The following PHLPP2 variants were observed in gnomAD, a reference collection of about 807,000 sequenced individuals.
PHLPP2 encodes PH domain and leucine rich repeat protein phosphatase 2, also known as PH domain leucine-rich repeat-containing protein phosphatase 2.
In PHLPP2, 66 loss-of-function variants were observed where a neutral mutation model predicts 124.9. The ratio of observed to expected loss-of-function variants is 0.53; its 90% CI spans 0.43 to 0.65. PHLPP2 has a LOEUF of 0.65. PHLPP2 is among the 30% of genes least tolerant of loss of function. The pLI is 0.00. For missense variants in PHLPP2, 1,685 were observed against 1,600.4 expected (o/e 1.05, Z -0.90); for synonymous variants, 681 against 624.7 (o/e 1.09, Z -1.34).
intron 3 of PHLPP2, among the ~76,000 whole-genome samples, chr16:71,697,250 T>C (rs986229621): frequency 3.9e-5 from 6 of 151,900 alleles, no homozygotes; most frequent in Non-Finnish European, 8.8e-5. Context: ...TTTCCACACT[T>C]GACTTCAATT....
chr16:71,695,989 A>G (rs1010632469), intron 3 of PHLPP2, among the ~76,000 whole-genome samples: 5 of 152,200 alleles, frequency 3.3e-5, no homozygotes, highest in African/African-American at 9.7e-5. Context: ...CACCACAGAT[A>G]ATGACACCAT....
chr16:71,662,903 T>C (rs938527557), intron 13 of PHLPP2, among the ~76,000 whole-genome samples: 1 of 152,126 alleles, frequency 6.6e-6, no homozygotes, highest in Admixed American at 6.6e-5. Context: ...CAAATGTACT[T>C]TGAAAGGTAT....
In PHLPP2 at chr16:71,652,899, G is replaced by T. The variant is rs751708501; in HGVS notation, c.2708C>A (p.Ala903Glu). Reference sequence around the variant, plus strand: ...TGGCTTCCCACCTCGGCACAGGACTGCTTGGCACGTGCCAACATTGGCTAC... The same window carrying T: ...TGGCTTCCCACCTCGGCACAGGACTTCTTGGCACGTGCCAACATTGGCTAC... ...LTVANVGTCQAVLCRGGKPVP... is the reference protein window; with the variant it reads ...LTVANVGTCQEVLCRGGKPVP... The change falls in exon 18 of 19, where the codon GCA becomes GAA. Residue 903 changes from alanine to glutamate, a missense_variant. Coordinates refer to ENST00000568954, the MANE Select transcript of PHLPP2 (RefSeq NM_015020.3). 1.2e-6 allele frequency: 2 copies of T among 1,614,016 alleles called. No individual in the cohort carries two copies. The highest frequency in any genetic ancestry group is 1.1e-5 in the South Asian group (1 of 91,076).
At chr16:71,698,248 T>A (rs1426347231) in intron 3 of PHLPP2, among the ~76,000 whole-genome samples, 5 of 152,160 alleles carry the variant, frequency 3.3e-5, no homozygotes, top group African/African-American at 4.8e-5. Context: ...CTACTGGGGA[T>A]GTAACTGACC....
intron 12 of PHLPP2, among the ~76,000 whole-genome samples, chr16:71,665,463 A>T (rs1245703152): frequency 1.3e-5 from 2 of 152,266 alleles, no homozygotes; most frequent in African/African-American, 2.4e-5. Flanking sequence ...AGTGTTTAGT[A>T]TATACAGAAC....
chr16:71,675,028 G>A (rs1365477300), intron 9 of PHLPP2, among the ~76,000 whole-genome samples: 1 of 152,168 alleles, frequency 6.6e-6, no homozygotes, highest in Non-Finnish European at 1.5e-5. Flanking sequence ...CACAAAAAGT[G>A]ATAAACAATC....
At chr16:71,662,026 G>A (rs1596992037) in intron 13 of PHLPP2, among the ~76,000 whole-genome samples, 1 of 151,838 alleles carries the variant, frequency 6.6e-6, no homozygotes, top group South Asian at 2.1e-4. Context: ...GTTTCACCAT[G>A]TTGGCCAGAA....
In PHLPP2 at chr16:71,648,880, A is replaced by T; in HGVS notation, c.*10T>A. 4.4e-6 allele frequency: 7 copies of T among 1,599,504 alleles called. No homozygotes were observed. The highest frequency in any genetic ancestry group is 6.0e-6 in the Non-Finnish European group (7 of 1,169,000). On this transcript the variant is annotated 3_prime_UTR_variant, in exon 19 of 19. Transcript: ENST00000568954. ...CACAGCCTCCTCCCACACTGTGCCC[A>T]GTGGGGCAGTCATAGTGCTGTGTCG...
At chr16:71,658,495 T>A (rs541285340) in intron 14 of PHLPP2, 132 bp from the exon 15 acceptor site, 1 of 1,191,558 alleles carries the variant, frequency 8.4e-7, no homozygotes, top group Non-Finnish European at 1.2e-6. Flanking sequence ...ACATAAATTC[T>A]GGTCCCAAAC....
At chr16:71,680,594 T>C (rs1389713994) in intron 6 of PHLPP2, among the ~76,000 whole-genome samples, 2 of 152,214 alleles carry the variant, frequency 1.3e-5, no homozygotes, top group African/African-American at 4.8e-5. Context: ...GTAATTCCAC[T>C]GGGGAGTAGG....
chr16:71,702,986 AC>A (rs961751927), intron 2 of PHLPP2, among the ~76,000 whole-genome samples: 37 of 152,122 alleles, frequency 2.4e-4, no homozygotes, highest in African/African-American at 8.2e-4. Context: ...AATGTCTATT[AC>A]CCCACACTCT....
At chr16:71,681,543 C>T (rs1035808538) in intron 6 of PHLPP2, among the ~76,000 whole-genome samples, 8 of 152,162 alleles carry the variant, frequency 5.3e-5, no homozygotes, top group African/African-American at 1.7e-4. Flanking sequence ...CCCAGATCAA[C>T]AGAAGCTCAC....
chr16:71,679,256 T>C (rs2145337262), intron 7 of PHLPP2, 133 bp downstream of exon 7: 1 of 787,868 alleles, frequency 1.3e-6, no homozygotes, highest in East Asian at 2.6e-5. Flanking sequence ...GGTCAAAAAC[T>C]GCTGCTGACT....
intron 3 of PHLPP2, among the ~76,000 whole-genome samples, chr16:71,700,081 A>C (rs2045215095): frequency 6.6e-6 from 1 of 152,208 alleles, no homozygotes; most frequent in Admixed American, 6.5e-5. Context: ...AGAGGGGTCA[A>C]GAAAATATCC....
chr16:71,648,887 C>G lies in PHLPP2; in HGVS notation c.*3G>C, dbSNP rs201990639. 51 of 1,607,008 alleles carry G rather than the reference C, an allele frequency of 3.2e-5. 1 individual carries two copies. Among genetic ancestry groups the G allele is most frequent in the Middle Eastern group, 2.2e-4 (1 of 4,516 alleles). On this transcript the variant is annotated 3_prime_UTR_variant, in exon 19 of 19. Transcript: ENST00000568954. ...TCCTCCCACACTGTGCCCAGTGGGG[C>G]AGTCATAGTGCTGTGTCGAACTCCT...
In PHLPP2 at chr16:71,681,741, C is replaced by T. The variant is rs765390726; in HGVS notation, c.890+10G>A. ...TAACAGGTTAGTCTGGAAACCCATTCTCCACATACTTGTAGAGTGTATCGA... is the reference window on the plus strand; with the variant it reads ...TAACAGGTTAGTCTGGAAACCCATTTTCCACATACTTGTAGAGTGTATCGA... On this transcript the variant is annotated intron_variant, in intron 6 of 18. Coordinates refer to ENST00000568954, the MANE Select transcript of PHLPP2 (RefSeq NM_015020.3). 1.9e-6 allele frequency: 3 copies of T among 1,596,906 alleles called. No individual in the cohort carries two copies. The Admixed American group carries it at 5.2e-5, about 28-fold the overall frequency.
At position 71,672,287 on chromosome 16, in the gene PHLPP2, G is replaced by C. The variant is rs149250019; in HGVS notation, c.1507C>G (p.Leu503Val). The C allele has an allele frequency of 6.8e-6, 11 of 1,613,616 alleles. No homozygotes were observed. Among genetic ancestry groups the C allele is most frequent in the Admixed American group, 1.7e-5 (1 of 60,006 alleles). The part of the protein sequence containing the change: ...TAVNVYPVPS[L>V]LTFLDLSRNL... Reference sequence around the variant, plus strand: ...CGGGAGAGATCCAAGAAAGTGAGCAGGCTGGGTACTGGATAGACGTTCACT... The same window carrying C: ...CGGGAGAGATCCAAGAAAGTGAGCACGCTGGGTACTGGATAGACGTTCACT... The change falls in exon 10 of 19, where the codon CTG (leucine) becomes GTG (valine). Residue 503 changes from leucine (L) to valine (V), a missense_variant. Transcript: ENST00000568954.
intron 15 of PHLPP2, among the ~76,000 whole-genome samples, chr16:71,657,670 A>C (rs2044753861): frequency 6.6e-6 from 1 of 152,232 alleles, no homozygotes; most frequent in Non-Finnish European, 1.5e-5. Flanking sequence ...CTGGGATTAC[A>C]GGCGTGAGCC....
intron 13 of PHLPP2, among the ~76,000 whole-genome samples, chr16:71,659,801 A>C (rs1399461783): frequency 6.6e-6 from 1 of 152,242 alleles, no homozygotes; most frequent in Non-Finnish European, 1.5e-5. Context: ...AAAATTACAA[A>C]AATAATAAAC....
Sources: gnomAD v4.1 joint callset for allele counts (sites outside exome capture counted in the v4.1 genomes callset) on GRCh38, gnomAD v4.1.1 for gene constraint, MANE v1.5 for transcripts, NCBI Gene and HGNC (gene_info 2026-07-23, HGNC 2026-07-21) for gene names.